UGGT2: variants seen among roughly 807,000 people sequenced by gnomAD.
UGGT2 encodes UDP-glucose:glycoprotein glucosyltransferase 2.
Under a neutral mutation model 192.1 loss-of-function variants are expected in UGGT2, and 180 were observed. The observed-to-expected ratio is 0.94, with a 90% confidence interval of 0.83 to 1.06. The LOEUF (loss-of-function observed/expected upper bound fraction) is 1.06, where lower values mean the gene tolerates loss of function less well. Among genes scored for constraint, UGGT2 ranks in the 50% least tolerant of loss-of-function variants. The probability of loss-of-function intolerance (pLI) is 0.00; values close to 1 mark genes in which losing one functional copy is unlikely to be tolerated. For missense variants in UGGT2, 1,849 were observed against 1,795.7 expected (o/e 1.03, Z -0.54); for synonymous variants, 580 against 591.0 (o/e 0.98, Z 0.27).
At chr13:96,041,494 G>T (rs2053162742) in intron 1 of UGGT2, among the ~76,000 whole-genome samples, 2 of 152,180 alleles carry the variant, frequency 1.3e-5, no homozygotes, top group South Asian at 4.1e-4. Flanking sequence ...AAATCTCCTG[G>T]CCAGAACTTG....
chr13:96,012,405 A>G (rs995547212), intron 5 of UGGT2, among the ~76,000 whole-genome samples: 1 of 152,050 alleles, frequency 6.6e-6, no homozygotes, highest in African/African-American at 2.4e-5. Context: ...CTATATCACA[A>G]GTAATATTTG....
chr13:95,884,084 A>AAAAAAAAAAAAAAAC (rs760204523), intron 27 of UGGT2, among the ~76,000 whole-genome samples: 1 of 132,012 alleles, frequency 7.6e-6, no homozygotes, highest in African/African-American at 2.7e-5. Context: ...AAAAAAAAAA[A>AAAAAAAAAAAAAAAC]AACCAACAAC....
At chr13:95,818,078 G>A (rs544227416) in intron 38 of UGGT2, among the ~76,000 whole-genome samples, 36 of 152,282 alleles carry the variant, frequency 2.4e-4, no homozygotes, top group African/African-American at 7.7e-4. Flanking sequence ...AGGCCAAGGC[G>A]GGAGGATGGC....
chr13:95,849,542 C>CAA (rs35734084), intron 36 of UGGT2, among the ~76,000 whole-genome samples: 35 of 103,908 alleles, frequency 3.4e-4, no homozygotes, highest in African/African-American at 8.2e-4. Flanking sequence ...GACTCTGTCT[C>CAA]AAAAAAAAAA....
At chr13:95,836,808 A>C (rs1433718079) in intron 37 of UGGT2, among the ~76,000 whole-genome samples, 2 of 147,058 alleles carry the variant, frequency 1.4e-5, no homozygotes, top group Non-Finnish European at 3.0e-5. Context: ...CCCTTTGCTG[A>C]CTTTGCTTTA....
intron 20 of UGGT2, among the ~76,000 whole-genome samples, chr13:95,910,569 G>T (rs746706589): frequency 1.3e-5 from 2 of 152,074 alleles, no homozygotes; most frequent in Non-Finnish European, 2.9e-5. Context: ...CCCAATACAG[G>T]AGCACCCAGA....
intron 36 of UGGT2, among the ~76,000 whole-genome samples, chr13:95,843,467 TAA>T (rs1888075112): frequency 6.6e-6 from 1 of 152,200 alleles, no homozygotes. Flanking sequence ...TTATTATTAA[TAA>T]GTTTTGGGAG....
rs753094682 is a variant in UGGT2, at chr13:95,894,663, T to C, written c.2760-6A>G. On this transcript the variant is annotated splice_region_variant and splice_polypyrimidine_tract_variant and intron_variant, in intron 23 of 38. Coordinates refer to ENST00000376747, the MANE Select transcript of UGGT2 (RefSeq NM_020121.4). ...TCATAATAAAGTCACTCATGCTAGA[T>C]AAACAAGACAAACAGTGTATGAGTT... 10 of 1,608,546 alleles carry C rather than the reference T, an allele frequency of 6.2e-6. No individual in the cohort carries two copies. Among genetic ancestry groups the C allele is most frequent in the Non-Finnish European group, 7.6e-6 (9 of 1,177,012 alleles).
Position 95,932,233 on chromosome 13 carries a change from C to T in UGGT2, c.1977+4691G>A, listed in dbSNP as rs183159980. 3.2e-3 allele frequency among the ~76,000 whole-genome samples: 481 copies of T among 151,988 alleles called. 2 individuals carry two copies. Among genetic ancestry groups the T allele is most frequent in the African/African-American group, 0.011 (459 of 41,442 alleles). The stretch of plus-strand genomic sequence containing the variant: ...CCCATTTGTTTGCATAATATATGAT[C>T]ACTTTCAGCAGTGTTTAGTAATTAT... On this transcript the variant is annotated intron_variant, in intron 17 of 38. Transcript: ENST00000376747.
Position 95,809,906 on chromosome 13 carries a change from C to T in UGGT2, c.4529-8094G>A, listed in dbSNP as rs1033053856. On this transcript the variant is annotated intron_variant, in intron 38 of 38. Transcript: ENST00000376747. The stretch of plus-strand genomic sequence containing the variant: ...GAATTATATTAGTCTACAGGTAAGC[C>T]TTTCTTATAGTAATCCTGCACCCAC... 1.8e-4 allele frequency among the ~76,000 whole-genome samples: 28 copies of T among 152,236 alleles called. 1 individual carries two copies. Among genetic ancestry groups the T allele is most frequent in the Admixed American group, 1.3e-3 (20 of 15,286 alleles).
At chr13:95,889,932 G>A (rs936229130) in intron 25 of UGGT2, among the ~76,000 whole-genome samples, 1 of 152,134 alleles carries the variant, frequency 6.6e-6, no homozygotes, top group Non-Finnish European at 1.5e-5. Context: ...TGATGTTAGG[G>A]CCTGACTGGT....
intron 20 of UGGT2, among the ~76,000 whole-genome samples, chr13:95,905,028 G>A (rs2048238631): frequency 6.6e-6 from 1 of 152,030 alleles, no homozygotes; most frequent in Non-Finnish European, 1.5e-5. Context: ...GTTTTGATTT[G>A]CATTTCTCTG....
intron 12 of UGGT2, among the ~76,000 whole-genome samples, chr13:95,969,535 A>G (rs1050245956): frequency 6.6e-6 from 1 of 151,592 alleles, no homozygotes; most frequent in Non-Finnish European, 1.5e-5. Flanking sequence ...CTGGATAGAG[A>G]AAAAAAAAGT....
intron 5 of UGGT2, among the ~76,000 whole-genome samples, chr13:96,008,746 G>T (rs1010433533): frequency 6.6e-6 from 1 of 152,210 alleles, no homozygotes. Context: ...CAAACAAATG[G>T]AAAAACATTC....
At chr13:95,831,130 G>C (rs1262688340) in intron 38 of UGGT2, among the ~76,000 whole-genome samples, 2 of 152,042 alleles carry the variant, frequency 1.3e-5, no homozygotes, top group African/African-American at 4.8e-5. Flanking sequence ...GCTTGTTGTG[G>C]GGTGGGGGTA....
chr13:95,905,947 T>C (rs1426769890), intron 20 of UGGT2, among the ~76,000 whole-genome samples: 1 of 152,148 alleles, frequency 6.6e-6, no homozygotes. Context: ...AAAGCCAACT[T>C]TGTTATAAAT....
chr13:95,805,535 C>T (rs1028792608), intron 38 of UGGT2, among the ~76,000 whole-genome samples: 1 of 152,030 alleles, frequency 6.6e-6, no homozygotes, highest in Admixed American at 6.6e-5. Context: ...AAATGTCCAT[C>T]GATGGATGAA....
At chr13:95,819,672 C>T (rs939186896) in intron 38 of UGGT2, among the ~76,000 whole-genome samples, 1 of 152,034 alleles carries the variant, frequency 6.6e-6, no homozygotes, top group Non-Finnish European at 1.5e-5. Context: ...ATAATACAGA[C>T]AATATTATTT....
At chr13:95,890,809 A>G in intron 25 of UGGT2, 53 bp downstream of exon 25, 1 of 1,421,578 alleles carries the variant, frequency 7.0e-7, no homozygotes, top group Non-Finnish European at 9.8e-7. Flanking sequence ...ACAGACTTGA[A>G]AAAATTATGA....
Sources: gnomAD v4.1 joint callset for allele counts (sites outside exome capture counted in the v4.1 genomes callset) on GRCh38, gnomAD v4.1.1 for gene constraint, MANE v1.5 for transcripts, NCBI Gene and HGNC (gene_info 2026-07-23, HGNC 2026-07-21) for gene names.